NALF1: variants seen among roughly 807,000 people sequenced by gnomAD.
NALF1 encodes NALCN channel auxiliary factor 1, also known as family with sequence similarity 155 member A.
Under a neutral mutation model 48.4 loss-of-function variants are expected in NALF1, and 3 were observed. The ratio of observed to expected loss-of-function variants is 0.06; its 90% confidence interval spans 0.03 to 0.16. The LOEUF (loss-of-function observed/expected upper bound fraction) is 0.16, where lower values mean the gene tolerates loss of function less well. Ranked by LOEUF, NALF1 falls within the 10% of genes least tolerant of loss-of-function variation. The pLI is 1.00. For missense variants in NALF1, 526 were observed against 571.5 expected (o/e 0.92, Z 0.81); for synonymous variants, 262 against 245.7 (o/e 1.07, Z -0.62).
At chr13:107,611,003 G>C (rs1879209691) in intron 1 of NALF1, among the ~76,000 whole-genome samples, 1 of 152,188 alleles carries the variant, frequency 6.6e-6, no homozygotes, top group Non-Finnish European at 1.5e-5. Flanking sequence ...GGTGGAAGGA[G>C]AGAAAGAAGT....
chr13:107,705,435 T>C (rs901868458), intron 1 of NALF1, among the ~76,000 whole-genome samples: 1 of 152,206 alleles, frequency 6.6e-6, no homozygotes, highest in African/African-American at 2.4e-5. Context: ...CACTTGCTTT[T>C]AGATATATTG....
intron 1 of NALF1, among the ~76,000 whole-genome samples, chr13:107,647,466 A>G (rs960215992): frequency 9.9e-5 from 15 of 151,974 alleles, no homozygotes; most frequent in Admixed American, 5.9e-4. Flanking sequence ...TTTTATCGAA[A>G]AAAAAAAAAA....
chr13:107,298,254 G>A (rs1881762902), intron 1 of NALF1, among the ~76,000 whole-genome samples: 1 of 146,794 alleles, frequency 6.8e-6, no homozygotes, highest in Non-Finnish European at 1.5e-5. Flanking sequence ...GGAGGCTGAG[G>A]CAGGAGAATG....
At chr13:107,198,278 A>G (rs1381239986) in intron 2 of NALF1, among the ~76,000 whole-genome samples, 1 of 152,184 alleles carries the variant, frequency 6.6e-6, no homozygotes, top group Non-Finnish European at 1.5e-5. Context: ...CAATTATTAA[A>G]CCATGATTAA....
At chr13:107,526,227 T>C (rs914813211) in intron 1 of NALF1, among the ~76,000 whole-genome samples, 5 of 152,078 alleles carry the variant, frequency 3.3e-5, no homozygotes, top group Admixed American at 1.3e-4. Context: ...CATCTGTATG[T>C]TCAGATAAAT....
intron 1 of NALF1, among the ~76,000 whole-genome samples, chr13:107,742,376 A>G (rs1027501345): frequency 3.3e-5 from 5 of 152,146 alleles, no homozygotes; most frequent in Admixed American, 2.6e-4. Flanking sequence ...TAGTTCCCAT[A>G]ATCCCCATGT....
At chr13:107,758,790 C>T (rs1877188573) in intron 1 of NALF1, among the ~76,000 whole-genome samples, 2 of 152,078 alleles carry the variant, frequency 1.3e-5, no homozygotes, top group South Asian at 4.1e-4. Context: ...CCACAAAATA[C>T]AAGTTTGAAA....
At chr13:107,371,458 A>AAAT (rs1883247413) in intron 1 of NALF1, among the ~76,000 whole-genome samples, 2 of 150,458 alleles carry the variant, frequency 1.3e-5, no homozygotes, top group Non-Finnish European at 3.0e-5. Flanking sequence ...AAATAAAAAT[A>AAAT]AAATAAATAA....
intron 1 of NALF1, among the ~76,000 whole-genome samples, chr13:107,383,973 G>T (rs371023087): frequency 1.3e-5 from 2 of 152,178 alleles, no homozygotes; most frequent in Non-Finnish European, 2.9e-5. Context: ...ATTAAGCCAG[G>T]TTTGGTGGTT....
At chr13:107,181,836 T>C (rs1879069171) in intron 2 of NALF1, among the ~76,000 whole-genome samples, 1 of 152,158 alleles carries the variant, frequency 6.6e-6, no homozygotes, top group Admixed American at 6.5e-5. Flanking sequence ...TGACATTCTT[T>C]GTCGTTATAA....
chr13:107,174,038 T>A (rs1878860101), intron 2 of NALF1, among the ~76,000 whole-genome samples: 1 of 152,372 alleles, frequency 6.6e-6, no homozygotes, highest in South Asian at 2.1e-4. Context: ...ATCCGAATGT[T>A]GCTTTTCGAA....
rs541092904 is a variant in NALF1, at chr13:107,310,401, T to C, written c.916-99646A>G. Among the ~76,000 whole-genome samples the C allele has an allele frequency of 1.0e-4, 15 of 145,254 alleles. No homozygotes were observed. The South Asian group carries it at 3.3e-3, about 32-fold the overall frequency. On this transcript the variant is annotated intron_variant, in intron 1 of 2. Transcript: ENST00000375915. ...CTCCAGCCAGGGAGACAGAGCGAGA[T>C]TCCATCTCAAAAAAAAAAAAAAAAG...
At chr13:107,659,406 T>C (rs567727924) in intron 1 of NALF1, among the ~76,000 whole-genome samples, 1 of 152,280 alleles carries the variant, frequency 6.6e-6, no homozygotes, top group Middle Eastern at 3.4e-3. Context: ...ATTTTTGTCA[T>C]TTAAAAAGTT....
At chr13:107,854,386 C>T (rs1880391158) in intron 1 of NALF1, among the ~76,000 whole-genome samples, 2 of 152,212 alleles carry the variant, frequency 1.3e-5, no homozygotes, top group Admixed American at 6.5e-5. Flanking sequence ...GAAGGCATAC[C>T]TGCCTGACAA....
At chr13:107,277,468 T>C (rs1300649807) in intron 1 of NALF1, among the ~76,000 whole-genome samples, 1 of 152,214 alleles carries the variant, frequency 6.6e-6, no homozygotes, top group Non-Finnish European at 1.5e-5. Flanking sequence ...TTTCTATCCC[T>C]TTCCTTGGTC....
At chr13:107,735,011 C>T (rs6492073) in intron 1 of NALF1, among the ~76,000 whole-genome samples, 133,172 of 152,042 alleles carry the variant, frequency 0.88, 58,439 homozygotes, top group East Asian at 0.92. Context: ...ACTACTGCTC[C>T]TGGGAGGAAA....
intron 1 of NALF1, among the ~76,000 whole-genome samples, chr13:107,618,038 T>C (rs550452424): frequency 2.0e-5 from 3 of 152,178 alleles, no homozygotes; most frequent in African/African-American, 7.2e-5. Flanking sequence ...CTCATGTAGC[T>C]AATAATTAGA....
chr13:107,505,628 G>A (rs781721424), intron 1 of NALF1, among the ~76,000 whole-genome samples: 10 of 152,132 alleles, frequency 6.6e-5, no homozygotes, highest in African/African-American at 2.2e-4. Flanking sequence ...AAGTAACAGC[G>A]AGAGAAGAGC....
intron 1 of NALF1, among the ~76,000 whole-genome samples, chr13:107,353,786 AC>A (rs1426616361): frequency 1.3e-5 from 2 of 152,200 alleles, no homozygotes; most frequent in African/African-American, 2.4e-5. Flanking sequence ...ATGTACACAC[AC>A]CAGCAACTCT....
Sources: gnomAD v4.1 joint callset for allele counts (sites outside exome capture counted in the v4.1 genomes callset) on GRCh38, gnomAD v4.1.1 for gene constraint, MANE v1.5 for transcripts, NCBI Gene and HGNC (gene_info 2026-07-23, HGNC 2026-07-21) for gene names.